UBE2D2: variants seen among roughly 807,000 people sequenced by gnomAD.
UBE2D2 encodes ubiquitin conjugating enzyme E2 D2.
Under a neutral mutation model 24.2 loss-of-function variants are expected in UBE2D2, and 2 were observed. The observed-to-expected ratio is 0.08, with a 90% confidence interval of 0.03 to 0.26. The LOEUF (loss-of-function observed/expected upper bound fraction) is 0.26, where lower values mean the gene tolerates loss of function less well. UBE2D2 is among the 10% of genes least tolerant of loss of function. UBE2D2 has a pLI of 1.00. For synonymous variants in UBE2D2, 58 were observed against 56.5 expected (o/e 1.03, Z -0.12); for missense variants, 44 against 177.6 (o/e 0.25, Z 4.28).
intron 1 of UBE2D2, among the ~76,000 whole-genome samples, chr5:139,541,789 C>T (rs1354118729): frequency 1.3e-5 from 2 of 151,886 alleles, no homozygotes; most frequent in Non-Finnish European, 2.9e-5. Context: ...CAGTGGCTCA[C>T]ACCTGTAATC....
intron 1 of UBE2D2, among the ~76,000 whole-genome samples, chr5:139,568,374 G>C (rs1753284670): frequency 6.6e-6 from 1 of 151,658 alleles, no homozygotes; most frequent in Non-Finnish European, 1.5e-5. Context: ...AATACTGTAG[G>C]CCGGGCTGGG....
intron 1 of UBE2D2, among the ~76,000 whole-genome samples, chr5:139,544,833 G>A (rs1387774994): frequency 2.0e-5 from 3 of 150,548 alleles, no homozygotes; most frequent in Non-Finnish European, 4.4e-5. Context: ...CTGGAGTGCA[G>A]TGGCGCGATC....
At chr5:139,549,653 G>C (rs1326880853) in intron 1 of UBE2D2, among the ~76,000 whole-genome samples, 2 of 152,216 alleles carry the variant, frequency 1.3e-5, no homozygotes, top group African/African-American at 4.8e-5. Context: ...CGCGGGGCTG[G>C]AGACTCCCCG....
At chr5:139,535,466 CAAAA>C (rs529739066) in intron 1 of UBE2D2, among the ~76,000 whole-genome samples, 1 of 144,428 alleles carries the variant, frequency 6.9e-6, no homozygotes, top group East Asian at 2.1e-4. Flanking sequence ...AAACAAAAAA[CAAAA>C]AAACAAAAAT....
At chr5:139,624,746 A>T (rs1754579902) in intron 6 of UBE2D2, among the ~76,000 whole-genome samples, 1 of 152,264 alleles carries the variant, frequency 6.6e-6, no homozygotes, top group African/African-American at 2.4e-5. Context: ...GCACCACTGC[A>T]CTTCAGCCTG....
intron 1 of UBE2D2, among the ~76,000 whole-genome samples, chr5:139,542,796 T>C (rs1034968888): frequency 2.0e-5 from 3 of 152,218 alleles, no homozygotes; most frequent in Non-Finnish European, 4.4e-5. Context: ...ATTCTACACA[T>C]GCTACAACAT....
rs1279796521 is a variant in UBE2D2 at position 139,551,206 on chromosome 5, TGTG to T, written c.-64+24602_-64+24604del. ...CTGAAATTACAAAAAATTAGCTGGA[TGTG>T]GTGGTGGGTGCTTGTAATTCCAGCT... On this transcript the variant is annotated intron_variant, in intron 1 of 6. Coordinates refer to the UBE2D2 transcript ENST00000511725. Among the ~76,000 whole-genome samples the T allele has an allele frequency of 2.6e-5, 4 of 152,086 alleles. No homozygotes were observed. In the East Asian group the frequency reaches 7.8e-4, roughly 29 times the overall value.
upstream of UBE2D2, among the ~76,000 whole-genome samples, chr5:139,557,171 T>C (rs1752991034): frequency 6.6e-6 from 1 of 150,894 alleles, no homozygotes; most frequent in African/African-American, 2.4e-5. Context: ...TTTGCTCTTG[T>C]TGCCCAGGCT....
At chr5:139,536,334 A>G (rs1212582033) in intron 1 of UBE2D2, among the ~76,000 whole-genome samples, 1 of 150,116 alleles carries the variant, frequency 6.7e-6, no homozygotes. Flanking sequence ...CCCGACCTTG[A>G]GTGATCCGCC....
At chr5:139,576,453 A>G (rs1010400887) in intron 1 of UBE2D2, among the ~76,000 whole-genome samples, 1 of 151,284 alleles carries the variant, frequency 6.6e-6, no homozygotes, top group Non-Finnish European at 1.5e-5. Flanking sequence ...GCCACTTGTC[A>G]TTAAACTTGC....
intron 2 of UBE2D2, among the ~76,000 whole-genome samples, chr5:139,613,689 C>T (rs1368627223): frequency 6.6e-6 from 1 of 152,032 alleles, no homozygotes; most frequent in Non-Finnish European, 1.5e-5. Flanking sequence ...CAGACCTACA[C>T]AAGAGTTTTT....
intron 1 of UBE2D2, among the ~76,000 whole-genome samples, chr5:139,548,995 C>T (rs1423986673): frequency 4.6e-5 from 7 of 152,010 alleles, no homozygotes; most frequent in Non-Finnish European, 7.4e-5. Flanking sequence ...ATTACAGGCG[C>T]GTGCCACCAT....
At chr5:139,571,423 A>AAC (rs2126655493) in intron 1 of UBE2D2, among the ~76,000 whole-genome samples, 1 of 151,750 alleles carries the variant, frequency 6.6e-6, no homozygotes, top group South Asian at 2.1e-4. Flanking sequence ...AAAAAAAAAA[A>AAC]CAAACACAGA....
intron 1 of UBE2D2, among the ~76,000 whole-genome samples, chr5:139,586,652 C>A (rs1267964985): frequency 3.3e-5 from 5 of 151,992 alleles, no homozygotes; most frequent in Admixed American, 2.0e-4. Flanking sequence ...GTAGTCCCAG[C>A]TACTCAGGAG....
intron 2 of UBE2D2, among the ~76,000 whole-genome samples, chr5:139,609,701 T>C (rs1185043404): frequency 6.6e-6 from 1 of 151,084 alleles, no homozygotes; most frequent in East Asian, 1.9e-4. Flanking sequence ...AAAAAAAAAT[T>C]AATATTTTAT....
chr5:139,570,697 G>A (rs1414668269), intron 1 of UBE2D2, among the ~76,000 whole-genome samples: 2 of 152,058 alleles, frequency 1.3e-5, no homozygotes, highest in Non-Finnish European at 2.9e-5. Flanking sequence ...ATTTTTAGTA[G>A]AGATGGGGTC....
chr5:139,594,450 A>G (rs1581516974), intron 1 of UBE2D2, among the ~76,000 whole-genome samples: 1 of 151,434 alleles, frequency 6.6e-6, no homozygotes. Context: ...CACAGTCTCT[A>G]TTGCCCAGGC....
At chr5:139,568,355 T>C (rs947007480) in intron 1 of UBE2D2, among the ~76,000 whole-genome samples, 2 of 148,746 alleles carry the variant, frequency 1.3e-5, no homozygotes, top group African/African-American at 5.0e-5. Flanking sequence ...AAAAAAAAAA[T>C]TGCTTAAAAA....
intron 1 of UBE2D2, among the ~76,000 whole-genome samples, chr5:139,573,379 T>C (rs1198408029): frequency 6.6e-6 from 1 of 152,024 alleles, no homozygotes; most frequent in East Asian, 1.9e-4. Context: ...GTTTTAAGAA[T>C]AGTATTTTTC....
Sources: allele counts gnomAD v4.1 joint callset (sites outside exome capture counted in the v4.1 genomes callset), GRCh38; gene constraint gnomAD v4.1.1; transcripts MANE v1.5; gene names NCBI Gene and HGNC (gene_info 2026-07-23, HGNC 2026-07-21).